The following STAG1 variants were observed in gnomAD, a reference collection of about 807,000 sequenced individuals.
STAG1 encodes the protein cohesin subunit SA-1.
A neutral mutation model predicts 170.9 loss-of-function variants in STAG1; 26 were observed. That is an observed-to-expected ratio of 0.15 (90% CI 0.11 to 0.21). The LOEUF is 0.21. Among genes scored for constraint, STAG1 ranks in the 10% least tolerant of loss-of-function variants. STAG1 has a pLI of 1.00. For synonymous variants in STAG1, 514 were observed against 497.7 expected, an observed-to-expected ratio of 1.03 and a Z score of -0.44; for missense variants, 964 against 1,509.5, an observed-to-expected ratio of 0.64 and a Z score of 5.99.
intron 6 of STAG1, among the ~76,000 whole-genome samples, chr3:136,525,814 TC>T (rs1212331197): frequency 6.6e-6 from 1 of 152,222 alleles, no homozygotes; most frequent in East Asian, 1.9e-4. Context: ...CTCACTGGTT[TC>T]AAACAACATC....
At chr3:136,339,953 G>A (rs1194081475) in intron 32 of STAG1, among the ~76,000 whole-genome samples, 4 of 152,152 alleles carry the variant, frequency 2.6e-5, no homozygotes, top group East Asian at 1.9e-4. Context: ...ACACAGTGAC[G>A]CTGAAAGATC....
At chr3:136,553,269 C>T (rs1193047612) in intron 5 of STAG1, among the ~76,000 whole-genome samples, 5 of 151,536 alleles carry the variant, frequency 3.3e-5, no homozygotes, top group African/African-American at 1.2e-4. Flanking sequence ...CACAGAAATT[C>T]AAAAATATGG....
At chr3:136,704,891 A>C (rs1428608381) in intron 1 of STAG1, among the ~76,000 whole-genome samples, 3 of 151,918 alleles carry the variant, frequency 2.0e-5, no homozygotes, top group Admixed American at 6.6e-5. Flanking sequence ...TTCATTAAGA[A>C]GATATAACAA....
intron 1 of STAG1, among the ~76,000 whole-genome samples, chr3:136,747,033 T>C (rs987213202): frequency 1.4e-5 from 2 of 142,104 alleles, no homozygotes; most frequent in African/African-American, 5.4e-5. Flanking sequence ...GAGGCAGAGG[T>C]TGCAGTGAGC....
At chr3:136,636,203 A>T (rs1011632011) in intron 1 of STAG1, among the ~76,000 whole-genome samples, 1 of 151,906 alleles carries the variant, frequency 6.6e-6, no homozygotes, top group Non-Finnish European at 1.5e-5. Flanking sequence ...AGCCGAGACC[A>T]CGCCATTGCA....
chr3:136,502,159 CAA>C (rs1473308452), intron 8 of STAG1, among the ~76,000 whole-genome samples: 1 of 151,478 alleles, frequency 6.6e-6, no homozygotes. Flanking sequence ...GCCTGGGCAA[CAA>C]GAGCGAAACT....
At chr3:136,570,234 TAATTATTATACTGATGCATATTACCATG>T (rs1247394042) in intron 4 of STAG1, among the ~76,000 whole-genome samples, 1 of 152,092 alleles carries the variant, frequency 6.6e-6, no homozygotes, top group Non-Finnish European at 1.5e-5. Context: ...GCACAAAGGG[TAATTATTATACTGATGCATATTACCATG>T]AATTAGTTTG....
chr3:136,550,877 G>T (rs923290219), intron 5 of STAG1, among the ~76,000 whole-genome samples: 2 of 151,996 alleles, frequency 1.3e-5, no homozygotes, highest in Non-Finnish European at 2.9e-5. Flanking sequence ...CTTTTCTCAC[G>T]GTTAGACAGG....
chr3:136,701,900 T>C (rs1040167460), intron 1 of STAG1, among the ~76,000 whole-genome samples: 1 of 152,132 alleles, frequency 6.6e-6, no homozygotes, highest in Non-Finnish European at 1.5e-5. Context: ...CCCCCAGAGT[T>C]TTACTGTGCA....
chr3:136,694,013 T>A (rs1207318928), intron 1 of STAG1, among the ~76,000 whole-genome samples: 1 of 152,124 alleles, frequency 6.6e-6, no homozygotes, highest in East Asian at 1.9e-4. Context: ...CTGACAAAAT[T>A]AAGACCAATT....
chr3:136,655,303 G>T (rs1941338431), intron 1 of STAG1, among the ~76,000 whole-genome samples: 1 of 152,144 alleles, frequency 6.6e-6, no homozygotes, highest in Admixed American at 6.6e-5. Context: ...CAAATAACCT[G>T]ATTCACAAAT....
intron 16 of STAG1, among the ~76,000 whole-genome samples, chr3:136,427,569 T>A (rs2107737651): frequency 6.6e-6 from 1 of 151,424 alleles, no homozygotes; most frequent in South Asian, 2.1e-4. Flanking sequence ...CAAGAAAAAA[T>A]TTAAAGAAAA....
At chr3:136,515,234 G>A (rs1424812540) in intron 7 of STAG1, among the ~76,000 whole-genome samples, 8 of 151,964 alleles carry the variant, frequency 5.3e-5, no homozygotes, top group Admixed American at 5.2e-4. Flanking sequence ...GTGTGGTAGT[G>A]CACGCCTGCA....
intron 6 of STAG1, among the ~76,000 whole-genome samples, chr3:136,539,213 T>C (rs1274571117): frequency 3.3e-5 from 5 of 152,184 alleles, no homozygotes; most frequent in Admixed American, 2.0e-4. Context: ...TGGAGATAAT[T>C]TGAGCTTTCC....
intron 12 of STAG1, among the ~76,000 whole-genome samples, chr3:136,470,052 T>C (rs1168504548): frequency 1.3e-5 from 2 of 152,120 alleles, no homozygotes; most frequent in African/African-American, 2.4e-5. Flanking sequence ...ACTTAGGCAA[T>C]ACCATTCAGG....
intron 2 of STAG1, among the ~76,000 whole-genome samples, chr3:136,626,469 AT>A (rs1315759305): frequency 1.3e-5 from 2 of 152,052 alleles, no homozygotes; most frequent in Non-Finnish European, 2.9e-5. Context: ...TACAGTATAT[AT>A]TTTAGGCTTA....
chr3:136,727,749 C>T (rs1392026719), intron 1 of STAG1, among the ~76,000 whole-genome samples: 1 of 152,168 alleles, frequency 6.6e-6, no homozygotes, highest in Admixed American at 6.6e-5. Flanking sequence ...CTGAGAATTA[C>T]ATTTTGTTTC....
At chr3:136,597,053 G>A (rs1057099106) in intron 4 of STAG1, among the ~76,000 whole-genome samples, 4 of 152,164 alleles carry the variant, frequency 2.6e-5, no homozygotes, top group Admixed American at 1.3e-4. Context: ...CCCAATCTGC[G>A]CGACAGAGCG....
intron 4 of STAG1, among the ~76,000 whole-genome samples, chr3:136,601,589 C>T (rs1353016448): frequency 6.6e-6 from 1 of 151,968 alleles, no homozygotes; most frequent in Non-Finnish European, 1.5e-5. Flanking sequence ...GTGAGGCGGG[C>T]AGACCACTTG....
Sources: allele counts gnomAD v4.1 joint callset (sites outside exome capture counted in the v4.1 genomes callset), GRCh38; gene constraint gnomAD v4.1.1; transcripts MANE v1.5; gene names NCBI Gene and HGNC (gene_info 2026-07-23, HGNC 2026-07-21).